The following CACNB2 variants were observed in gnomAD, a reference collection of about 807,000 sequenced individuals.
The protein encoded by CACNB2 is calcium voltage-gated channel auxiliary subunit beta 2, also known as voltage-dependent L-type calcium channel subunit beta-2.
In CACNB2, 42 loss-of-function variants were observed where a neutral mutation model predicts 73.3. The observed-to-expected ratio is 0.57, with a 90% CI of 0.45 to 0.74. CACNB2 has a LOEUF of 0.74. Among genes scored for constraint, CACNB2 ranks in the 30% least tolerant of loss-of-function variants. The probability of loss-of-function intolerance (pLI) is 0.00; values close to 1 mark genes in which losing one functional copy is unlikely to be tolerated. For synonymous variants in CACNB2, 348 were observed against 310.3 expected, an observed-to-expected ratio of 1.12 and a Z score of -1.28; for missense variants, 940 against 853.0, an observed-to-expected ratio of 1.10 and a Z score of -1.27.
chr10:18,320,360 T>TTAA (rs1303336925), intron 2 of CACNB2, among the ~76,000 whole-genome samples: 10 of 152,198 alleles, frequency 6.6e-5, no homozygotes, highest in Non-Finnish European at 1.2e-4. Context: ...GGTTTTGTGG[T>TTAA]CTATGACATA....
At chr10:18,322,490 A>T (rs1373743334) in intron 2 of CACNB2, among the ~76,000 whole-genome samples, 2 of 152,182 alleles carry the variant, frequency 1.3e-5, no homozygotes, top group Admixed American at 1.3e-4. Context: ...AAAACATCCC[A>T]CATTTCCATA....
chr10:18,278,477 A>T (rs946152897), intron 2 of CACNB2, among the ~76,000 whole-genome samples: 2 of 152,148 alleles, frequency 1.3e-5, no homozygotes, highest in African/African-American at 4.8e-5. Context: ...TGTATTCCCC[A>T]GGTGAGGTGA....
intron 2 of CACNB2, among the ~76,000 whole-genome samples, chr10:18,297,008 T>C (rs1016422151): frequency 1.3e-5 from 2 of 152,240 alleles, no homozygotes; most frequent in African/African-American, 4.8e-5. Context: ...AAAGTATGTA[T>C]TGTAGTGCCA....
chr10:18,366,551 G>A (rs569097940), intron 2 of CACNB2, among the ~76,000 whole-genome samples: 2 of 148,488 alleles, frequency 1.3e-5, no homozygotes, highest in East Asian at 2.1e-4. Flanking sequence ...GTCCATCGAA[G>A]ACTGATTTTG....
chr10:18,254,924 C>T (rs760428922), intron 2 of CACNB2, among the ~76,000 whole-genome samples: 2 of 152,204 alleles, frequency 1.3e-5, no homozygotes, highest in Non-Finnish European at 2.9e-5. Context: ...TCTGTCCTTG[C>T]ACTTACCTAC....
intron 5 of CACNB2, 150 bp downstream of exon 5, chr10:18,501,098 C>T (rs113167159): frequency 1.2e-6 from 1 of 845,286 alleles, no homozygotes; most frequent in Non-Finnish European, 1.9e-6. Flanking sequence ...TTGCATTTTC[C>T]TGCATTTAAA....
chr10:18,235,142 C>CAAAA (rs34052926), intron 2 of CACNB2, among the ~76,000 whole-genome samples: 1 of 99,748 alleles, frequency 1.0e-5, no homozygotes. Context: ...GACTCTGTCT[C>CAAAA]AAAAAAAAAA....
chr10:18,489,051 C>T (rs559418674), intron 3 of CACNB2, among the ~76,000 whole-genome samples: 4 of 152,032 alleles, frequency 2.6e-5, no homozygotes, highest in South Asian at 2.1e-4. Context: ...CGGTGGCTCA[C>T]ACTTATAATC....
chr10:18,235,141 T>TA (rs2036387496), intron 2 of CACNB2, among the ~76,000 whole-genome samples: 21 of 104,462 alleles, frequency 2.0e-4, no homozygotes, highest in African/African-American at 6.5e-4. Flanking sequence ...AGACTCTGTC[T>TA]CAAAAAAAAA....
At chr10:18,422,967 T>G (rs990612217) in intron 3 of CACNB2, among the ~76,000 whole-genome samples, 2 of 152,202 alleles carry the variant, frequency 1.3e-5, no homozygotes, top group Non-Finnish European at 2.9e-5. Context: ...CAAATTGCTG[T>G]GATTACAGGC....
intron 3 of CACNB2, among the ~76,000 whole-genome samples, chr10:18,449,888 C>T (rs1280727601): frequency 4.6e-5 from 7 of 152,158 alleles, no homozygotes; most frequent in African/African-American, 1.2e-4. Context: ...GGTCACACAC[C>T]AGGACCAGTG....
intron 2 of CACNB2, among the ~76,000 whole-genome samples, chr10:18,172,534 G>C (rs903520457): frequency 6.6e-6 from 1 of 152,042 alleles, no homozygotes; most frequent in African/African-American, 2.4e-5. Context: ...CTGAGAGTAG[G>C]GAAGAAAGAG....
At chr10:18,300,020 C>T (rs368925964) in intron 2 of CACNB2, among the ~76,000 whole-genome samples, 1 of 146,800 alleles carries the variant, frequency 6.8e-6, no homozygotes, top group Non-Finnish European at 1.5e-5. Context: ...TGTTGCATTT[C>T]TTTTTTTTTT....
At chr10:18,401,268 G>A (rs2132530407) in intron 2 of CACNB2, among the ~76,000 whole-genome samples, 1 of 152,264 alleles carries the variant, frequency 6.6e-6, no homozygotes, top group East Asian at 1.9e-4. Flanking sequence ...CTTTTCCTAG[G>A]TTGTGATTAA....
chr10:18,526,510 C>G (rs1273211726), intron 9 of CACNB2, among the ~76,000 whole-genome samples: 1 of 152,162 alleles, frequency 6.6e-6, no homozygotes, highest in African/African-American at 2.4e-5. Context: ...CCAAACTTTT[C>G]CTTTTCGCCC....
chr10:18,293,340 T>C (rs1003776021), intron 2 of CACNB2, among the ~76,000 whole-genome samples: 5 of 152,342 alleles, frequency 3.3e-5, no homozygotes, highest in Admixed American at 3.3e-4. Context: ...CTTTCCCTCC[T>C]TATACGGATG....
At chr10:18,293,121 T>C (rs1358114901) in intron 2 of CACNB2, among the ~76,000 whole-genome samples, 1 of 152,218 alleles carries the variant, frequency 6.6e-6, no homozygotes, top group African/African-American at 2.4e-5. Flanking sequence ...CAGTTATTCT[T>C]TAAGAGTACT....
chr10:18,436,002 T>C (rs1463892940), intron 3 of CACNB2, among the ~76,000 whole-genome samples: 1 of 152,186 alleles, frequency 6.6e-6, no homozygotes, highest in Non-Finnish European at 1.5e-5. Flanking sequence ...GTACGATGAC[T>C]TTAAGTACTC....
At chr10:18,302,601 A>G (rs762851203) in intron 2 of CACNB2, among the ~76,000 whole-genome samples, 29 of 152,200 alleles carry the variant, frequency 1.9e-4, no homozygotes, top group Non-Finnish European at 4.0e-4. Flanking sequence ...CAGGGATGGG[A>G]AACCAAACAT....
Sources: gnomAD v4.1 joint callset for allele counts (sites outside exome capture counted in the v4.1 genomes callset) on GRCh38, gnomAD v4.1.1 for gene constraint, MANE v1.5 for transcripts, NCBI Gene and HGNC (gene_info 2026-07-23, HGNC 2026-07-21) for gene names.